Variants in SGK3 observed in about 807,000 individuals in gnomAD.
SGK3 encodes the protein serine/threonine-protein kinase Sgk3.
In SGK3, 47 loss-of-function variants were observed where a neutral mutation model predicts 68.5. The observed-to-expected ratio is 0.69, with a 90% confidence interval of 0.54 to 0.87. The LOEUF is 0.87. Among genes scored for constraint, SGK3 ranks in the 40% least tolerant of loss-of-function variants. The pLI is 0.00. For missense variants in SGK3, 479 were observed against 575.5 expected, an observed-to-expected ratio of 0.83 and a Z score of 1.72; for synonymous variants, 181 against 189.1, an observed-to-expected ratio of 0.96 and a Z score of 0.35.
At chr8:66,725,124 G>A (rs937657409) in intron 1 of SGK3, among the ~76,000 whole-genome samples, 1 of 152,142 alleles carries the variant, frequency 6.6e-6, no homozygotes, top group African/African-American at 2.4e-5. Context: ...AGCTACTCAG[G>A]AGGGTGAGGC....
chr8:66,780,718 G>A (rs1264156807), intron 1 of SGK3, among the ~76,000 whole-genome samples: 2 of 152,190 alleles, frequency 1.3e-5, no homozygotes, highest in African/African-American at 4.8e-5. Flanking sequence ...AATAACATTA[G>A]GCCCTGTGGG....
intron 1 of SGK3, among the ~76,000 whole-genome samples, chr8:66,716,935 C>A (rs993057371): frequency 6.6e-6 from 1 of 151,926 alleles, no homozygotes; most frequent in African/African-American, 2.4e-5. Flanking sequence ...GTGGCTCACA[C>A]GAGTAATCCC....
intron 4 of SGK3, among the ~76,000 whole-genome samples, chr8:66,805,335 C>T (rs566932977): frequency 1.8e-4 from 28 of 151,650 alleles, no homozygotes; most frequent in African/African-American, 5.8e-4. Context: ...CTGGCTAAAA[C>T]GGTGAAACCC....
chr8:66,837,647 G>A (rs1809591712), intron 10 of SGK3, among the ~76,000 whole-genome samples: 1 of 152,114 alleles, frequency 6.6e-6, no homozygotes, highest in Admixed American at 6.5e-5. Context: ...AGCTGGGCAT[G>A]GTGACATGCC....
chr8:66,733,477 T>C (rs1216443508), intron 1 of SGK3, among the ~76,000 whole-genome samples: 3 of 152,144 alleles, frequency 2.0e-5, no homozygotes, highest in Non-Finnish European at 4.4e-5. Context: ...TGAAACGATT[T>C]AGGAAAGAAA....
rs535756255 is a variant in SGK3, at chr8:66,715,360, C to T, written c.-122+2527C>T. ...GCAACCTCCGCCTCCCGGGTTCAAGCGATTCTCCTGCCTCAGCCTCCCGAG... is the reference window on the plus strand; with the variant it reads ...GCAACCTCCGCCTCCCGGGTTCAAGTGATTCTCCTGCCTCAGCCTCCCGAG... On this transcript the variant is annotated intron_variant, in intron 1 of 16. Coordinates refer to ENST00000521198, the MANE Select transcript of SGK3 (RefSeq NM_001033578.3). Among the ~76,000 whole-genome samples the T allele has an allele frequency of 1.2e-3, 181 of 152,090 alleles. 2 individuals carry two copies. The highest frequency in any genetic ancestry group is 4.1e-3 in the African/African-American group (172 of 41,490).
At chr8:66,724,592 A>G (rs1363679491) in intron 1 of SGK3, among the ~76,000 whole-genome samples, 1 of 152,150 alleles carries the variant, frequency 6.6e-6, no homozygotes, top group Non-Finnish European at 1.5e-5. Context: ...ATAAATAAAA[A>G]CTAATAAAAA....
intron 5 of SGK3, among the ~76,000 whole-genome samples, chr8:66,815,043 C>T (rs1199485753): frequency 6.6e-6 from 1 of 152,140 alleles, no homozygotes; most frequent in African/African-American, 2.4e-5. Flanking sequence ...ATATGACACA[C>T]TTTAACAGTC....
At chr8:66,722,673 C>G (rs1804828650) in intron 1 of SGK3, among the ~76,000 whole-genome samples, 1 of 152,184 alleles carries the variant, frequency 6.6e-6, no homozygotes, top group Non-Finnish European at 1.5e-5. Flanking sequence ...TAAACTGGTA[C>G]TGTATTAGGT....
Position 66,793,751 on chromosome 8 carries a change from C to T in SGK3, c.15C>T (p.His5=). 6.2e-7 allele frequency: 1 copy of T among 1,613,186 alleles called. No homozygotes were observed. MQRD[H]TMDYKESCPS... is the part of the protein sequence containing the mutation. ...TGAGGGATTAAATGCAAAGAGATCA[C>T]ACCATGGACTACAAGGAAAGCTGCC... The change falls in exon 2 of 17, where the codon CAC becomes CAT. Residue 5 remains histidine (H), a synonymous_variant. Coordinates refer to ENST00000521198, the MANE Select transcript of SGK3 (RefSeq NM_001033578.3).
intron 1 of SGK3, among the ~76,000 whole-genome samples, chr8:66,756,215 C>T (rs1386556111): frequency 1.3e-5 from 2 of 152,066 alleles, no homozygotes; most frequent in African/African-American, 4.8e-5. Flanking sequence ...TCAGGAGAGA[C>T]CAGCTCTGGT....
intron 1 of SGK3, among the ~76,000 whole-genome samples, chr8:66,739,456 A>C (rs941914147): frequency 6.6e-6 from 1 of 152,094 alleles, no homozygotes; most frequent in African/African-American, 2.4e-5. Context: ...ATGCAATGGC[A>C]CAATCTCAGC....
chr8:66,859,689 T>C lies in SGK3; in HGVS notation c.*108T>C, dbSNP rs1377390433. The C allele has an allele frequency of 8.1e-6, 10 of 1,240,598 alleles. No homozygotes were observed. Among genetic ancestry groups the C allele is most frequent in the Non-Finnish European group, 2.1e-6 (2 of 944,662 alleles). 76.8% of individuals were successfully genotyped at this position (1,240,598 alleles called of 1,614,324 possible). ...ATGTATAACTAGTGCCTCATTTTTA[T>C]ATGTAATGATGAAAACTATGAAAAA... On this transcript the variant is annotated 3_prime_UTR_variant, in exon 17 of 17. Transcript: ENST00000521198.
chr8:66,755,758 A>G (rs1486398711), intron 1 of SGK3, among the ~76,000 whole-genome samples: 1 of 152,220 alleles, frequency 6.6e-6, no homozygotes, highest in Non-Finnish European at 1.5e-5. Context: ...TTGGTAGGTG[A>G]AACAGTTATA....
At chr8:66,736,030 G>A (rs542270965) in intron 1 of SGK3, among the ~76,000 whole-genome samples, 16 of 152,286 alleles carry the variant, frequency 1.1e-4, no homozygotes, top group Middle Eastern at 3.4e-3. Context: ...TGGCTTCAGT[G>A]ACTCATTATC....
chr8:66,805,305 G>A (rs1251795080), intron 4 of SGK3, among the ~76,000 whole-genome samples: 2 of 151,896 alleles, frequency 1.3e-5, no homozygotes, highest in Non-Finnish European at 1.5e-5. Flanking sequence ...GGATCACAAG[G>A]TCAGGAGATC....
intron 10 of SGK3, among the ~76,000 whole-genome samples, chr8:66,836,312 A>G (rs1017234493): frequency 1.3e-5 from 2 of 152,240 alleles, no homozygotes; most frequent in Admixed American, 6.5e-5. Flanking sequence ...CTTCATGGAC[A>G]GGTTTGTCAC....
intron 1 of SGK3, among the ~76,000 whole-genome samples, chr8:66,736,158 A>G (rs181515354): frequency 7.9e-5 from 12 of 152,342 alleles, no homozygotes; most frequent in Non-Finnish European, 1.3e-4. Flanking sequence ...CAACTATAGA[A>G]TAGGCATAGT....
At chr8:66,799,866 C>T (rs928861138) in intron 3 of SGK3, among the ~76,000 whole-genome samples, 13 of 152,200 alleles carry the variant, frequency 8.5e-5, no homozygotes, top group Admixed American at 3.3e-4. Context: ...TCATGTGATC[C>T]GCCCACCTCG....
Sources: allele counts gnomAD v4.1 joint callset (sites outside exome capture counted in the v4.1 genomes callset), GRCh38; gene constraint gnomAD v4.1.1; transcripts MANE v1.5; gene names NCBI Gene and HGNC (gene_info 2026-07-23, HGNC 2026-07-21).